Variants in KCNQ5 observed in about 807,000 individuals in gnomAD.
KCNQ5 encodes the protein potassium voltage-gated channel subfamily Q member 5, also known as potassium voltage-gated channel subfamily KQT member 5.
In KCNQ5, 30 loss-of-function variants were observed where a neutral mutation model predicts 98.2. The ratio of observed to expected loss-of-function variants is 0.31; its 90% CI spans 0.23 to 0.41. The LOEUF (loss-of-function observed/expected upper bound fraction) is 0.41, where lower values mean the gene tolerates loss of function less well. KCNQ5 is among the 10% of genes least tolerant of loss of function. KCNQ5 has a pLI of 1.00. For synonymous variants in KCNQ5, 458 were observed against 449.4 expected, an observed-to-expected ratio of 1.02 and a Z score of -0.24; for missense variants, 835 against 1,182.5, an observed-to-expected ratio of 0.71 and a Z score of 4.31.
chr6:72,916,166 T>C (rs1188391870), intron 1 of KCNQ5, among the ~76,000 whole-genome samples: 2 of 152,216 alleles, frequency 1.3e-5, no homozygotes, highest in Non-Finnish European at 2.9e-5. Flanking sequence ...TGTGGAAACA[T>C]TGGTAGTTTC....
At position 73,195,259 on chromosome 6, in the gene KCNQ5, G is replaced by A; in HGVS notation, c.2644G>A (p.Glu882Lys). The A allele has an allele frequency of 1.9e-6, 3 of 1,614,218 alleles. No homozygotes were observed. The highest frequency in any genetic ancestry group is 2.5e-6 in the Non-Finnish European group (3 of 1,180,032). Residue 882 changes from glutamate to lysine, a missense_variant, in exon 14 of 14, where the codon GAG (glutamate) becomes AAG (lysine). Physicochemically the swap from Glu to Lys is moderately conservative, Grantham distance 56 (BLOSUM62 1). This residue lies in a region of KCNQ5 where 416 missense variants were observed against 446.9 expected (regional missense o/e 0.93). Coordinates refer to ENST00000370398, the MANE Select transcript of KCNQ5 (RefSeq NM_019842.4). ...TDEEVGPEET[E>K]TDTFDAAPQP... The stretch of plus-strand genomic sequence containing the variant: ...TGAAGAGGTGGGTCCCGAAGAGACA[G>A]AGACAGACACTTTTGATGCCGCACC...
intron 1 of KCNQ5, among the ~76,000 whole-genome samples, chr6:72,974,330 T>C (rs1366045660): frequency 2.6e-5 from 4 of 151,148 alleles, no homozygotes; most frequent in Non-Finnish European, 5.9e-5. Flanking sequence ...TGTCCACCCC[T>C]GCTATAAATC....
intron 3 of KCNQ5, among the ~76,000 whole-genome samples, chr6:73,048,279 A>T (rs959965581): frequency 1.3e-5 from 2 of 152,204 alleles, no homozygotes; most frequent in African/African-American, 2.4e-5. Context: ...AGCCATGAGG[A>T]GGTTTAGACA....
At chr6:72,787,364 A>G (rs955576587) in intron 1 of KCNQ5, among the ~76,000 whole-genome samples, 1 of 152,210 alleles carries the variant, frequency 6.6e-6, no homozygotes, top group Non-Finnish European at 1.5e-5. Flanking sequence ...AACAGAGACC[A>G]TATGGCCCAC....
rs79949980 is a variant in KCNQ5 at position 73,066,583 on chromosome 6, T to C, written c.617-10739T>C. On this transcript the variant is annotated intron_variant, in intron 3 of 13. Transcript: ENST00000370398. ...ATATCCAAAACACTCCTTCTGATGC[T>C]TCCTCGTTCAACCAGTATCCAAAAC... Among the ~76,000 whole-genome samples, 409 of 152,338 alleles carry C rather than the reference T, an allele frequency of 2.7e-3. 2 individuals are homozygous for C. Among genetic ancestry groups the C allele is most frequent in the African/African-American group, 9.3e-3 (386 of 41,580 alleles).
chr6:72,999,381 T>A (rs1189376315), intron 1 of KCNQ5, among the ~76,000 whole-genome samples: 1 of 152,156 alleles, frequency 6.6e-6, no homozygotes, highest in Non-Finnish European at 1.5e-5. Context: ...AAGATCTAGA[T>A]CAAAATGAAT....
chr6:72,730,389 C>G (rs1238413990), intron 1 of KCNQ5, among the ~76,000 whole-genome samples: 1 of 151,806 alleles, frequency 6.6e-6, no homozygotes, highest in Non-Finnish European at 1.5e-5. Context: ...AATAGAAAGG[C>G]CTTCCACCAC....
intron 7 of KCNQ5, among the ~76,000 whole-genome samples, chr6:73,111,638 G>C (rs564735916): frequency 6.6e-6 from 1 of 152,222 alleles, no homozygotes; most frequent in South Asian, 2.1e-4. Flanking sequence ...TTCAGACTAA[G>C]TAACCATGTC....
At chr6:72,940,065 TTC>T (rs994101414) in intron 1 of KCNQ5, among the ~76,000 whole-genome samples, 1 of 152,172 alleles carries the variant, frequency 6.6e-6, no homozygotes, top group Non-Finnish European at 1.5e-5. Context: ...GGCCCTAGTT[TTC>T]TCTCTTATAA....
intron 5 of KCNQ5, among the ~76,000 whole-genome samples, chr6:73,085,116 G>A (rs1363211564): frequency 6.6e-6 from 1 of 152,182 alleles, no homozygotes; most frequent in Non-Finnish European, 1.5e-5. Flanking sequence ...GCTCATCTAA[G>A]GATGGTTTAT....
At chr6:72,849,803 G>T (rs940240139) in intron 1 of KCNQ5, among the ~76,000 whole-genome samples, 1 of 152,032 alleles carries the variant, frequency 6.6e-6, no homozygotes, top group African/African-American at 2.4e-5. Context: ...TGATCCTATC[G>T]GGTCTTGACT....
At chr6:72,662,515 C>CA (rs1766582877) in intron 1 of KCNQ5, among the ~76,000 whole-genome samples, 1 of 150,430 alleles carries the variant, frequency 6.6e-6, no homozygotes, top group African/African-American at 2.4e-5. Context: ...CCATGAGAGA[C>CA]AAAAAAGAAA....
chr6:73,138,417 C>T (rs1776561794), intron 10 of KCNQ5, among the ~76,000 whole-genome samples: 2 of 152,194 alleles, frequency 1.3e-5, no homozygotes, highest in African/African-American at 4.8e-5. Context: ...GAGTGCCTTA[C>T]AGAATTGCAA....
intron 2 of KCNQ5, among the ~76,000 whole-genome samples, chr6:73,008,964 A>G (rs1049904551): frequency 6.6e-6 from 1 of 152,204 alleles, no homozygotes. Context: ...AAACTGGAAT[A>G]TTCAAAAATT....
In KCNQ5 at chr6:72,622,701, C is replaced by T; in HGVS notation, c.398+114C>T. The T allele has an allele frequency of 8.9e-7, 1 of 1,120,628 alleles. No individual in the cohort carries two copies. Among genetic ancestry groups the T allele is most frequent in the Non-Finnish European group, 1.3e-6 (1 of 788,750 alleles). The allele number at this position is 1,120,628 out of a possible 1,614,324, so 69.4% of individuals were successfully genotyped here. On this transcript the variant is annotated intron_variant, in intron 1 of 13. Coordinates refer to ENST00000370398, the MANE Select transcript of KCNQ5 (RefSeq NM_019842.4). This position sits in a 1 kb window ranked among gnomAD's most constrained non-coding sequence, Gnocchi z 6.0. ...CCCCGCGCGCGTGCACACGTGGTGGCTTTTATTTCTTCGCACGTGTTCGTG... is the reference window on the plus strand; with the variant it reads ...CCCCGCGCGCGTGCACACGTGGTGGTTTTTATTTCTTCGCACGTGTTCGTG...
At chr6:72,661,729 G>A (rs147582182) in intron 1 of KCNQ5, among the ~76,000 whole-genome samples, 3 of 152,142 alleles carry the variant, frequency 2.0e-5, no homozygotes, top group African/African-American at 4.8e-5. Flanking sequence ...AACTAGTTTC[G>A]TTGGCTTGTT....
chr6:73,109,859 A>G (rs1294722455), intron 6 of KCNQ5, among the ~76,000 whole-genome samples: 1 of 152,198 alleles, frequency 6.6e-6, no homozygotes, highest in Non-Finnish European at 1.5e-5. Context: ...ATTGCTCACG[A>G]ATAGCAAATA....
At chr6:73,055,841 G>C in intron 3 of KCNQ5, 1 of 709,984 alleles carries the variant, frequency 1.4e-6, no homozygotes, top group East Asian at 3.3e-5. Context: ...GCTGCCCAGG[G>C]CAAAGCCAAG....
At chr6:72,633,207 T>C (rs2098922040) in intron 1 of KCNQ5, among the ~76,000 whole-genome samples, 1 of 152,220 alleles carries the variant, frequency 6.6e-6, no homozygotes, top group African/African-American at 2.4e-5. Context: ...TTTCATATGC[T>C]TGGGGGCCAC....
Sources: gnomAD v4.1 joint callset for allele counts (sites outside exome capture counted in the v4.1 genomes callset) on GRCh38, gnomAD v4.1.1 for gene constraint, gnomAD v4.1.1 regional missense constraint, Gnocchi (gnomAD v3.1) non-coding constraint, MANE v1.5 for transcripts, NCBI Gene and HGNC (gene_info 2026-07-23, HGNC 2026-07-21) for gene names.